GSTM5: variants seen among roughly 807,000 people sequenced by gnomAD.
GSTM5 encodes glutathione S-transferase mu 5, also known as GST class-mu 5.
Under a neutral mutation model 29.0 loss-of-function variants are expected in GSTM5, and 24 were observed. The observed-to-expected ratio is 0.83, with a 90% CI of 0.60 to 1.16. The LOEUF (loss-of-function observed/expected upper bound fraction) is 1.16, where lower values mean the gene tolerates loss of function less well. Ranked by LOEUF, GSTM5 falls within the 50% of genes most tolerant of loss-of-function variation. The pLI, the probability that GSTM5 is intolerant of heterozygous loss-of-function variation, is 0.00. For missense variants in GSTM5, 290 were observed against 263.0 expected (o/e 1.10, Z -0.71); for synonymous variants, 91 against 93.6 (o/e 0.97, Z 0.16).
At chr1:109,712,157 C>G (rs1000705435), upstream of GSTM5, 2 of 796,842 alleles carry the variant, frequency 2.5e-6, no homozygotes, top group African/African-American at 3.4e-5. Context: ...CAGCCCCGGG[C>G]GCTCGCTCGG....
intron 7 of GSTM5, 132 bp downstream of exon 7, chr1:109,715,372 G>T (rs1372929433): frequency 1.9e-6 from 3 of 1,590,634 alleles, no homozygotes; most frequent in Admixed American, 3.6e-5. Flanking sequence ...CAGGAATCAT[G>T]CCCAGCACAT....
chr1:109,715,561 A>G (rs1246457933), intron 7 of GSTM5: 1 of 1,347,098 alleles, frequency 7.4e-7, no homozygotes, highest in Non-Finnish European at 9.8e-7. Context: ...GGTGGCAGTC[A>G]GGGCTCTCCC....
chr1:109,712,250 C>T (rs985834600), upstream of GSTM5: 8 of 1,568,658 alleles, frequency 5.1e-6, no homozygotes, highest in African/African-American at 1.1e-4. Flanking sequence ...CCCTCCTGGG[C>T]CTCTCAAAGT....
At chr1:109,717,124 A>C in intron 7 of GSTM5, 4 of 315,678 alleles carry the variant, frequency 1.3e-5, no homozygotes, top group South Asian at 6.9e-5. Flanking sequence ...TCTTTCGTAA[A>C]TGGTAGCTGT....
At chr1:109,713,061 C>G (rs1181004035) in intron 2 of GSTM5, 58 bp from the exon 3 acceptor site, 14 of 1,606,008 alleles carry the variant, frequency 8.7e-6, no homozygotes. Flanking sequence ...TTGGGAGGGT[C>G]CCCGGGAAGG....
chr1:109,715,665 A>G (rs1268119460), intron 7 of GSTM5: 5 of 570,928 alleles, frequency 8.8e-6, no homozygotes, highest in Non-Finnish European at 1.5e-5. Context: ...AGGACCACGG[A>G]TGCAGCTGGC....
chr1:109,714,825 T>G, intron 5 of GSTM5, 122 bp from the exon 6 acceptor site: 4 of 889,544 alleles, frequency 4.5e-6, no homozygotes, highest in Non-Finnish European at 7.5e-6. Flanking sequence ...CTGCCCCGGT[T>G]TTAGTTGTGG....
intron 7 of GSTM5, chr1:109,715,480 T>A (rs1648714178): frequency 1.1e-5 from 16 of 1,500,720 alleles, no homozygotes; most frequent in Non-Finnish European, 1.4e-5. Context: ...AATGAGAGGG[T>A]CAGTCCTTTG....
rs936598781 is a variant in GSTM5, at chr1:109,717,550, C to G, written c.*124C>G. The G allele has an allele frequency of 8.7e-6, 6 of 693,218 alleles. No individual in the cohort carries two copies. The highest frequency in any genetic ancestry group is 1.6e-5 in the Non-Finnish European group (6 of 384,942). The allele number at this position is 693,218 out of a possible 1,614,324, so 42.9% of individuals were successfully genotyped here. A position where few individuals can be genotyped will look rare whatever the true frequency, so the allele number is the denominator to read the frequency against. On this transcript the variant is annotated 3_prime_UTR_variant, in exon 8 of 8. Transcript: ENST00000256593. Reference sequence around the variant, plus strand: ...CTTCTTTCTACTCTCTTCTCTTCCCCAAGGCCTCATTGGCTTCCTTTCTTC... The same window carrying G: ...CTTCTTTCTACTCTCTTCTCTTCCCGAAGGCCTCATTGGCTTCCTTTCTTC...
intron 3 of GSTM5, 40 bp from the exon 4 acceptor site, chr1:109,713,444 G>C (rs776705081): frequency 1.1e-5 from 18 of 1,613,610 alleles, no homozygotes; most frequent in South Asian, 4.4e-5. Context: ...TGGGGAGCCT[G>C]GTGGCCCAAC....
chr1:109,712,880 A>C (rs910448600), intron 2 of GSTM5, 187 bp downstream of exon 2: 48 of 854,336 alleles, frequency 5.6e-5, no homozygotes, highest in South Asian at 3.3e-4. Context: ...GATGCTGGAC[A>C]CCCTGTCTAA....
chr1:109,715,495 G>C (rs1314534966), intron 7 of GSTM5: 5 of 1,480,080 alleles, frequency 3.4e-6, no homozygotes, highest in Non-Finnish European at 4.5e-6. Context: ...CCTTTGCTCA[G>C]GGTCCCAGAG....
Position 109,717,369 on chromosome 1 carries a change from C to T in GSTM5, c.600C>T (p.Ser200=). ...GLKKISAYMK[S]SQFLRGLLFG... ...AGAAGATCTCTGCCTACATGAAGTC[C>T]AGCCAATTCCTCCGAGGTCTTTTGT... Residue 200 remains serine (S), a synonymous_variant, in exon 8 of 8, where the codon TCC becomes TCT. Transcript: ENST00000256593. The T allele has an allele frequency of 6.2e-7, 1 of 1,613,996 alleles. No individual in the cohort carries two copies. Among genetic ancestry groups the T allele is most frequent in the Middle Eastern group, 1.6e-4 (1 of 6,062 alleles).
upstream of GSTM5, chr1:109,712,204 G>A (rs1648540367): frequency 1.7e-6 from 2 of 1,196,410 alleles, no homozygotes; most frequent in East Asian, 4.7e-5. Flanking sequence ...GTTGTGGCGG[G>A]CCGAGGGGCG....
chr1:109,717,223 T>A lies in GSTM5; in HGVS notation c.568-114T>A, dbSNP rs567228082. ...AGAGACCGTGTGATGCTCCAGCACT[T>A]GAGCCCACATGGAAAGGCTGTGGCC... On this transcript the variant is annotated intron_variant, in intron 7 of 7. Coordinates refer to ENST00000256593, the MANE Select transcript of GSTM5 (RefSeq NM_000851.4). 1.1e-5 allele frequency: 8 copies of A among 737,952 alleles called. No individual in the cohort carries two copies. In the East Asian group the frequency reaches 2.0e-4, roughly 19 times the overall value. The allele number at this position is 737,952 out of a possible 1,614,324, so 45.7% of individuals were successfully genotyped here.
intron 7 of GSTM5, 32 bp downstream of exon 7, chr1:109,715,272 C>T (rs368948360): frequency 6.8e-6 from 11 of 1,614,102 alleles, no homozygotes; most frequent in Non-Finnish European, 7.6e-6. Flanking sequence ...CTCTTTGATG[C>T]CCCTTGTTCC....
In GSTM5 at chr1:109,717,904, GT is replaced by G; in HGVS notation, c.*484del. On this transcript the variant is annotated 3_prime_UTR_variant, in exon 8 of 8. Transcript: ENST00000256593. Reference sequence around the variant, plus strand: ...CAGGACTGTGCTCGAATTGTGGGTGGTTTTTTGTCTTCTGTTGTCCACAGCC... The same window carrying G: ...CAGGACTGTGCTCGAATTGTGGGTGGTTTTTGTCTTCTGTTGTCCACAGCC... 6.4e-6 allele frequency: 1 copy of G among 156,014 alleles called. No homozygotes were observed. Among genetic ancestry groups the G allele is most frequent in the Non-Finnish European group, 1.4e-5 (1 of 70,498 alleles). The allele number at this position is 156,014 out of a possible 1,614,324, so 9.7% of individuals were successfully genotyped here.
upstream of GSTM5, among the ~76,000 whole-genome samples, chr1:109,711,773 T>C (rs565163311): frequency 2.2e-3 from 340 of 151,696 alleles, no homozygotes; most frequent in Non-Finnish European, 4.1e-3. Context: ...GGAGTAGCTT[T>C]CGGATCAGAG....
chr1:109,714,222 T>A (rs1648669578), intron 5 of GSTM5: 1 of 161,230 alleles, frequency 6.2e-6, no homozygotes, highest in Non-Finnish European at 1.4e-5. Flanking sequence ...CATCCCACGG[T>A]GGAAATTCAA....
Sources: gnomAD v4.1 joint callset for allele counts (sites outside exome capture counted in the v4.1 genomes callset) on GRCh38, gnomAD v4.1.1 for gene constraint, MANE v1.5 for transcripts, NCBI Gene and HGNC (gene_info 2026-07-23, HGNC 2026-07-21) for gene names.